The following HAVCR2 variants were observed in gnomAD, a reference collection of about 807,000 sequenced individuals.
HAVCR2 encodes the protein hepatitis A virus cellular receptor 2.
In HAVCR2, 13 loss-of-function variants were observed where a neutral mutation model predicts 24.7. That is an observed-to-expected ratio of 0.53 (90% CI 0.34 to 0.84). HAVCR2 has a LOEUF of 0.84. HAVCR2 is among the 40% of genes least tolerant of loss of function. HAVCR2 has a pLI of 0.01. For synonymous variants in HAVCR2, 154 were observed against 143.4 expected, an observed-to-expected ratio of 1.07 and a Z score of -0.53; for missense variants, 343 against 371.2, an observed-to-expected ratio of 0.92 and a Z score of 0.62.
At position 157,097,031 on chromosome 5, in the gene HAVCR2, A is replaced by G. The variant is rs543278609; in HGVS notation, c.523-1572T>C. Among the ~76,000 whole-genome samples, 14 of 152,190 alleles carry G rather than the reference A, an allele frequency of 9.2e-5. No homozygotes were observed. The East Asian group carries it at 1.5e-3, about 17-fold the overall frequency. On this transcript the variant is annotated intron_variant, in intron 4 of 6. Transcript: ENST00000307851. ...TAAATCTTCCATTTATTCAATATAC[A>G]TTTACAAATTGATTCAATACACATT...
chr5:157,094,246 C>T (rs938772397), intron 5 of HAVCR2, among the ~76,000 whole-genome samples: 14 of 151,600 alleles, frequency 9.2e-5, no homozygotes, highest in Admixed American at 1.3e-4. Flanking sequence ...GCTTTGCTGC[C>T]CAGGCTGATC....
intron 3 of HAVCR2, among the ~76,000 whole-genome samples, chr5:157,102,252 T>G (rs989985437): frequency 6.6e-6 from 1 of 151,728 alleles, no homozygotes; most frequent in African/African-American, 2.4e-5. Flanking sequence ...TTTTGTATTC[T>G]TAGTAGAGAT....
chr5:157,107,015 C>T (rs1023161227), intron 1 of HAVCR2, 53 bp from the exon 2 acceptor site: 3 of 1,450,282 alleles, frequency 2.1e-6, no homozygotes, highest in African/African-American at 1.4e-5. Flanking sequence ...GAGGTTACTC[C>T]ATTTCAGGAA....
At chr5:157,108,797 C>T (rs781462041) in intron 1 of HAVCR2, 129 bp downstream of exon 1, 8 of 683,668 alleles carry the variant, frequency 1.2e-5, no homozygotes, top group Admixed American at 5.4e-5. Context: ...ACTCCCTCAT[C>T]GACGGACATT....
At chr5:157,104,601 A>T in intron 3 of HAVCR2, 65 bp downstream of exon 3, 2 of 1,131,006 alleles carry the variant, frequency 1.8e-6, no homozygotes, top group Non-Finnish European at 1.3e-6. Flanking sequence ...TTTTTTTCCC[A>T]CATTCAAAAT....
At chr5:157,104,884 C>A in intron 2 of HAVCR2, 135 bp from the exon 3 acceptor site, 1 of 577,102 alleles carries the variant, frequency 1.7e-6, no homozygotes, top group East Asian at 3.1e-5. Flanking sequence ...TCCAAACCTG[C>A]CTGGATACCT....
intron 5 of HAVCR2, among the ~76,000 whole-genome samples, chr5:157,089,966 C>T (rs767895666): frequency 2.0e-5 from 3 of 152,014 alleles, no homozygotes; most frequent in Non-Finnish European, 4.4e-5. Context: ...TTCTTTTACC[C>T]GCTGAAAACA....
intron 6 of HAVCR2, among the ~76,000 whole-genome samples, chr5:157,087,561 T>C (rs1756931215): frequency 6.6e-6 from 1 of 152,120 alleles, no homozygotes; most frequent in Non-Finnish European, 1.5e-5. Flanking sequence ...AGGTGCAGGC[T>C]GAAGTTTAGG....
intron 3 of HAVCR2, among the ~76,000 whole-genome samples, chr5:157,102,734 A>C (rs1039346152): frequency 1.3e-5 from 2 of 151,972 alleles, no homozygotes; most frequent in Non-Finnish European, 2.9e-5. Flanking sequence ...TAGGAGTTCG[A>C]GACCAGCATG....
intron 5 of HAVCR2, among the ~76,000 whole-genome samples, chr5:157,091,927 A>C (rs1561619509): frequency 6.6e-6 from 1 of 152,120 alleles, no homozygotes; most frequent in African/African-American, 2.4e-5. Flanking sequence ...TCATGACTTA[A>C]AAAGCTGTCA....
At chr5:157,103,104 G>A (rs1173290186) in intron 3 of HAVCR2, among the ~76,000 whole-genome samples, 3 of 151,580 alleles carry the variant, frequency 2.0e-5, no homozygotes, top group Non-Finnish European at 4.4e-5. Flanking sequence ...TGGCTCACGC[G>A]TGTAATCCCA....
intron 5 of HAVCR2, among the ~76,000 whole-genome samples, chr5:157,090,896 G>C (rs991733048): frequency 6.6e-6 from 1 of 152,044 alleles, no homozygotes; most frequent in African/African-American, 2.4e-5. Context: ...ACCCAGGCTA[G>C]AATGCAGCAG....
At chr5:157,104,071 T>A (rs1301146253) in intron 3 of HAVCR2, among the ~76,000 whole-genome samples, 1 of 151,946 alleles carries the variant, frequency 6.6e-6, no homozygotes, top group African/African-American at 2.4e-5. Flanking sequence ...CTCCAGAGAG[T>A]TTAGAAGAGA....
At chr5:157,100,832 C>T (rs916218493) in intron 3 of HAVCR2, among the ~76,000 whole-genome samples, 1 of 152,156 alleles carries the variant, frequency 6.6e-6, no homozygotes, top group Admixed American at 6.5e-5. Context: ...TGCAGTGGCT[C>T]ACACCTGTAA....
At chr5:157,104,329 A>G (rs1757215160) in intron 3 of HAVCR2, among the ~76,000 whole-genome samples, 2 of 152,250 alleles carry the variant, frequency 1.3e-5, no homozygotes, top group African/African-American at 4.8e-5. Flanking sequence ...ACACCAGTTC[A>G]TGACCAAACA....
chr5:157,106,242 T>G (rs150711798), intron 2 of HAVCR2: 2,001 of 167,806 alleles, frequency 0.012, 14 homozygotes, highest in Non-Finnish European at 0.02. Flanking sequence ...GTGATTCTCC[T>G]GCTTCAGCCC....
chr5:157,092,387 A>G lies in HAVCR2; in HGVS notation c.676+2919T>C, dbSNP rs569209065. Among the ~76,000 whole-genome samples, 3 of 152,144 alleles carry G rather than the reference A, an allele frequency of 2.0e-5. No individual in the cohort carries two copies. In the East Asian group the frequency reaches 5.8e-4, roughly 29 times the overall value. On this transcript the variant is annotated intron_variant, in intron 5 of 6. Transcript: ENST00000307851. The stretch of plus-strand genomic sequence containing the variant: ...TGAGGTGGGAGGATTATTTAAGCCC[A>G]GGAGTTTGAGACCAGCTTGAGCAAC...
Position 157,106,947 on chromosome 5 carries a change from T to C in HAVCR2, c.74A>G (p.Glu25Gly), listed in dbSNP as rs772025014. 1 of 1,613,344 alleles carries C rather than the reference T, an allele frequency of 6.2e-7. No individual in the cohort carries two copies. Among genetic ancestry groups the C allele is most frequent in the East Asian group, 2.2e-5 (1 of 44,870 alleles). ...LLLLTRSSEVEYRAEVGQNAY... is the reference protein window; with the variant it reads ...LLLLTRSSEVGYRAEVGQNAY... Reference sequence around the variant, plus strand: ...ATTCTGACCGACCTCCGCTCTGTATTCCACTTCTGAGGACCCTGCATAGAG... The same window carrying C: ...ATTCTGACCGACCTCCGCTCTGTATCCCACTTCTGAGGACCCTGCATAGAG... Residue 25 changes from glutamate to glycine, a missense_variant, in exon 2 of 7, where the codon GAA becomes GGA. Coordinates refer to ENST00000307851, the MANE Select transcript of HAVCR2 (RefSeq NM_032782.5).
At chr5:157,108,853 C>A in intron 1 of HAVCR2, 73 bp downstream of exon 1, 1 of 1,410,814 alleles carries the variant, frequency 7.1e-7, no homozygotes. Context: ...ATTACAATGG[C>A]CATCCTTGTA....
Sources: allele counts gnomAD v4.1 joint callset (sites outside exome capture counted in the v4.1 genomes callset), GRCh38; gene constraint gnomAD v4.1.1; transcripts MANE v1.5; gene names NCBI Gene and HGNC (gene_info 2026-07-23, HGNC 2026-07-21).